Variants in WRN observed in about 807,000 individuals in gnomAD.
WRN encodes the protein WRN RecQ like helicase, also known as bifunctional 3'-5' exonuclease/ATP-dependent helicase WRN.
Under a neutral mutation model 180.7 loss-of-function variants are expected in WRN, and 149 were observed. The observed-to-expected ratio is 0.82, with a 90% CI of 0.72 to 0.94. WRN has a LOEUF of 0.94. WRN is among the 40% of genes least tolerant of loss of function. The pLI is 0.00. For missense variants in WRN, 1,661 were observed against 1,700.1 expected (o/e 0.98, Z 0.40); for synonymous variants, 548 against 568.9 (o/e 0.96, Z 0.52).
At chr8:31,144,647 T>G (rs1370027215) in intron 28 of WRN, among the ~76,000 whole-genome samples, 1 of 152,142 alleles carries the variant, frequency 6.6e-6, no homozygotes, top group Non-Finnish European at 1.5e-5. Context: ...CATCTCTAAG[T>G]GTTTAAGAGA....
chr8:31,074,297 G>A (rs1039463299), intron 7 of WRN, among the ~76,000 whole-genome samples: 3 of 152,196 alleles, frequency 2.0e-5, no homozygotes, highest in Non-Finnish European at 2.9e-5. Flanking sequence ...TGGTTTGGGA[G>A]GAAATGGGAG....
chr8:31,061,398 G>A (rs1480584755), intron 3 of WRN, among the ~76,000 whole-genome samples: 4 of 151,310 alleles, frequency 2.6e-5, no homozygotes, highest in South Asian at 2.1e-4. Flanking sequence ...AACATATTTA[G>A]CATATTTTTA....
chr8:31,150,493 A>C, intron 31 of WRN, 38 bp downstream of exon 31: 4 of 1,585,128 alleles, frequency 2.5e-6, no homozygotes, highest in Non-Finnish European at 3.5e-6. Context: ...TTAGAGAATA[A>C]GCATTTTTTG....
intron 32 of WRN, among the ~76,000 whole-genome samples, chr8:31,155,620 T>A (rs1803354560): frequency 1.0e-5 from 1 of 96,170 alleles, no homozygotes; most frequent in East Asian, 2.4e-4. Context: ...AGACTCGGTC[T>A]CCAAAAAAAA....
At chr8:31,119,916 G>A (rs1041072531) in intron 20 of WRN, 4 of 298,144 alleles carry the variant, frequency 1.3e-5, no homozygotes, top group South Asian at 3.5e-5. Flanking sequence ...AGGTAAGGAC[G>A]CTTGAAACTT....
chr8:31,086,897 A>G (rs1191217277), intron 11 of WRN, among the ~76,000 whole-genome samples: 4 of 152,208 alleles, frequency 2.6e-5, no homozygotes, highest in African/African-American at 7.2e-5. Context: ...GACGTCTACA[A>G]ACGTATACAT....
chr8:31,046,714 C>G (rs1409638062), intron 1 of WRN, among the ~76,000 whole-genome samples: 1 of 152,060 alleles, frequency 6.6e-6, no homozygotes, highest in Admixed American at 6.6e-5. Flanking sequence ...ATAATAGAAG[C>G]CATCAGAAAA....
intron 23 of WRN, among the ~76,000 whole-genome samples, chr8:31,130,280 A>G (rs1169407615): frequency 6.6e-6 from 1 of 152,174 alleles, no homozygotes; most frequent in African/African-American, 2.4e-5. Flanking sequence ...TAAGCATCTC[A>G]CTAAAGAGAT....
At chr8:31,077,704 A>C (rs944413050) in intron 8 of WRN, among the ~76,000 whole-genome samples, 1 of 152,250 alleles carries the variant, frequency 6.6e-6, no homozygotes, top group African/African-American at 2.4e-5. Flanking sequence ...GATGTAAATC[A>C]CATGTGCTTA....
At chr8:31,109,569 G>C (rs1383497195) in intron 18 of WRN, among the ~76,000 whole-genome samples, 1 of 152,118 alleles carries the variant, frequency 6.6e-6, no homozygotes, top group Non-Finnish European at 1.5e-5. Flanking sequence ...TCATGTCTCT[G>C]AAGTTGTTAT....
At chr8:31,091,008 C>T (rs549221425) in intron 15 of WRN, 66 bp downstream of exon 15, 104 of 1,178,698 alleles carry the variant, frequency 8.8e-5, no homozygotes, top group Admixed American at 7.1e-4. Flanking sequence ...AACATCTGAT[C>T]CATCATGCAT....
At chr8:31,058,284 T>C (rs1812352327) in intron 1 of WRN, 88 bp from the exon 2 acceptor site, 2 of 622,252 alleles carry the variant, frequency 3.2e-6, no homozygotes, top group Admixed American at 5.3e-5. Flanking sequence ...ATTCTAGCTC[T>C]TATAACCTAT....
rs760975157 is a variant in WRN at position 31,081,050 on chromosome 8, C to T, written c.1023C>T (p.His341=). ...KQIREHEVLI[H]VEDETWDPTL... ...TTAGAGAACATGAAGTTTTAATTCACGTTGAAGATGAAACATGGGACCCAA... is the reference window on the plus strand; with the variant it reads ...TTAGAGAACATGAAGTTTTAATTCATGTTGAAGATGAAACATGGGACCCAA... Residue 341 remains histidine, a synonymous_variant, in exon 9 of 35, where the codon CAC becomes CAT. Transcript: ENST00000298139. 2.6e-5 allele frequency: 42 copies of T among 1,613,690 alleles called. No individual in the cohort carries two copies. The highest frequency in any genetic ancestry group is 5.5e-5 in the South Asian group (5 of 91,084).
intron 1 of WRN, among the ~76,000 whole-genome samples, chr8:31,052,613 C>A (rs1812119619): frequency 6.6e-6 from 1 of 152,184 alleles, no homozygotes; most frequent in Non-Finnish European, 1.5e-5. Context: ...TCTCGAACCC[C>A]TGGCCTCAAA....
chr8:31,099,565 G>GT (rs148360389), intron 17 of WRN, among the ~76,000 whole-genome samples: 34 of 144,690 alleles, frequency 2.3e-4, no homozygotes, highest in African/African-American at 8.2e-4. Context: ...TTGTTTGTTT[G>GT]TTTGTTTTTT....
At chr8:31,077,999 G>A (rs954252568) in intron 8 of WRN, among the ~76,000 whole-genome samples, 1 of 152,150 alleles carries the variant, frequency 6.6e-6, no homozygotes, top group African/African-American at 2.4e-5. Flanking sequence ...GTCACAACAG[G>A]TTGTTTCAGT....
At chr8:31,045,801 G>A (rs1811839393) in intron 1 of WRN, among the ~76,000 whole-genome samples, 1 of 152,116 alleles carries the variant, frequency 6.6e-6, no homozygotes, top group African/African-American at 2.4e-5. Context: ...CTGCTCTTGA[G>A]TATTTTCTCT....
At chr8:31,132,697 C>T (rs1424985865) in intron 24 of WRN, among the ~76,000 whole-genome samples, 191 bp downstream of exon 24, 2 of 152,182 alleles carry the variant, frequency 1.3e-5, no homozygotes, top group Non-Finnish European at 2.9e-5. Flanking sequence ...ATGGCATCTT[C>T]TGCTGTTTTC....
At chr8:31,122,744 G>GT (rs1304467273) in intron 21 of WRN, among the ~76,000 whole-genome samples, 4 of 150,110 alleles carry the variant, frequency 2.7e-5, no homozygotes, top group Non-Finnish European at 5.9e-5. Flanking sequence ...AAGAGTTGTA[G>GT]TTTTGTTTTC....
Sources: allele counts gnomAD v4.1 joint callset (sites outside exome capture counted in the v4.1 genomes callset), GRCh38; gene constraint gnomAD v4.1.1; transcripts MANE v1.5; gene names NCBI Gene and HGNC (gene_info 2026-07-23, HGNC 2026-07-21).